The following AGK variants were observed in gnomAD, a reference collection of about 807,000 sequenced individuals.
The protein encoded by AGK is acylglycerol kinase, also known as acylglycerol kinase, mitochondrial.
A neutral mutation model predicts 66.4 loss-of-function variants in AGK; 52 were observed. The ratio of observed to expected loss-of-function variants is 0.78; its 90% CI spans 0.63 to 0.99. The LOEUF (loss-of-function observed/expected upper bound fraction) is 0.99. Ranked by LOEUF, AGK falls within the 50% of genes least tolerant of loss-of-function variation. The pLI, the probability that AGK is intolerant of heterozygous loss-of-function variation, is 0.00. For missense variants in AGK, 451 were observed against 506.6 expected (o/e 0.89, Z 1.05); for synonymous variants, 182 against 181.1 (o/e 1.00, Z -0.04).
chr7:141,647,962 C>G (rs572022979), intron 13 of AGK, among the ~76,000 whole-genome samples: 2 of 152,184 alleles, frequency 1.3e-5, no homozygotes, highest in South Asian at 4.1e-4. Flanking sequence ...TGAGCCACCG[C>G]GCCTGGCCAA....
intron 2 of AGK, among the ~76,000 whole-genome samples, chr7:141,584,434 A>G (rs988447877): frequency 6.6e-6 from 1 of 152,194 alleles, no homozygotes; most frequent in African/African-American, 2.4e-5. Flanking sequence ...TGGGCTCAGA[A>G]GCCTGACACT....
At chr7:141,631,576 A>G (rs1191927420) in intron 9 of AGK, among the ~76,000 whole-genome samples, 1 of 152,224 alleles carries the variant, frequency 6.6e-6, no homozygotes, top group Non-Finnish European at 1.5e-5. Flanking sequence ...AAATATATCC[A>G]AAATCAAGCA....
intron 2 of AGK, among the ~76,000 whole-genome samples, chr7:141,561,137 A>G (rs1795341357): frequency 6.6e-6 from 1 of 152,162 alleles, no homozygotes. Flanking sequence ...TCCATGGTGT[A>G]TATATACCAC....
intron 6 of AGK, among the ~76,000 whole-genome samples, chr7:141,612,004 G>A (rs1220865768): frequency 1.3e-5 from 2 of 152,190 alleles, no homozygotes; most frequent in Non-Finnish European, 2.9e-5. Flanking sequence ...CAAAGGAGTT[G>A]AAACCCTGTG....
intron 5 of AGK, among the ~76,000 whole-genome samples, chr7:141,605,779 CAA>C (rs1022456906): frequency 5.9e-5 from 9 of 152,176 alleles, no homozygotes; most frequent in African/African-American, 2.2e-4. Context: ...TTAGTAGTGA[CAA>C]AACTCATTTA....
At chr7:141,650,066 C>T (rs1368053915) in intron 14 of AGK, among the ~76,000 whole-genome samples, 3 of 152,234 alleles carry the variant, frequency 2.0e-5, no homozygotes, top group Non-Finnish European at 1.5e-5. Context: ...CTCAGCTCCG[C>T]TTTTCTGTGC....
In AGK at chr7:141,643,993, A is replaced by AT. The variant is rs538991772; in HGVS notation, c.975+2088dup. ...TGCCCTATTAACTGTATTTCTAGGA[A>AT]TTTATCCTACTGGAATAACCTGATG... On this transcript the variant is annotated intron_variant, in intron 13 of 15. Transcript: ENST00000649286. Among the ~76,000 whole-genome samples, 337 of 152,240 alleles carry AT rather than the reference A, an allele frequency of 2.2e-3. 1 individual carries two copies. Among genetic ancestry groups the AT allele is most frequent in the Non-Finnish European group, 3.5e-3 (241 of 67,984 alleles).
At chr7:141,647,782 C>T (rs1032172784) in intron 13 of AGK, among the ~76,000 whole-genome samples, 34 of 152,200 alleles carry the variant, frequency 2.2e-4, no homozygotes, top group Admixed American at 1.1e-3. Flanking sequence ...GCGATTCTCC[C>T]GCCTCAGCCT....
At chr7:141,588,666 G>C (rs1796043983) in intron 2 of AGK, among the ~76,000 whole-genome samples, 1 of 151,990 alleles carries the variant, frequency 6.6e-6, no homozygotes, top group African/African-American at 2.4e-5. Flanking sequence ...TACTCCATAG[G>C]CAGAGCAGCA....
At chr7:141,624,935 C>G (rs1344826336) in intron 9 of AGK, among the ~76,000 whole-genome samples, 1 of 152,182 alleles carries the variant, frequency 6.6e-6, no homozygotes, top group Non-Finnish European at 1.5e-5. Context: ...TTGCAAACTT[C>G]ATTGCTGTCT....
chr7:141,647,250 T>C (rs917606828), intron 13 of AGK, among the ~76,000 whole-genome samples: 5 of 152,194 alleles, frequency 3.3e-5, no homozygotes, highest in Admixed American at 1.3e-4. Flanking sequence ...AGTGATCCTA[T>C]TGAAATGAAG....
intron 14 of AGK, chr7:141,650,719 G>A (rs528940580): frequency 2.1e-6 from 2 of 973,390 alleles, no homozygotes; most frequent in African/African-American, 3.5e-5. Flanking sequence ...GGTAGATATT[G>A]TATGCCAAGT....
At chr7:141,633,258 T>C (rs1253563035) in intron 9 of AGK, among the ~76,000 whole-genome samples, 1 of 152,186 alleles carries the variant, frequency 6.6e-6, no homozygotes, top group Non-Finnish European at 1.5e-5. Context: ...TTTATAATTT[T>C]TAAGGAAGGT....
chr7:141,551,737 C>T (rs1281015744), intron 1 of AGK, among the ~76,000 whole-genome samples: 1 of 152,152 alleles, frequency 6.6e-6, no homozygotes, highest in Non-Finnish European at 1.5e-5. Context: ...TTGTGGACCC[C>T]CCTCACTTCG....
chr7:141,562,863 G>T (rs1004687264), intron 2 of AGK, among the ~76,000 whole-genome samples: 2 of 152,198 alleles, frequency 1.3e-5, no homozygotes, highest in African/African-American at 4.8e-5. Context: ...ATATAGTCAG[G>T]GATGGCATCT....
chr7:141,589,410 T>C (rs1587097838), intron 2 of AGK, among the ~76,000 whole-genome samples: 1 of 152,346 alleles, frequency 6.6e-6, no homozygotes, highest in South Asian at 2.1e-4. Context: ...TTTGCTGAGA[T>C]AGTTTTCAGA....
At chr7:141,601,656 G>A (rs1029552828) in intron 5 of AGK, among the ~76,000 whole-genome samples, 1 of 152,098 alleles carries the variant, frequency 6.6e-6, no homozygotes, top group Non-Finnish European at 1.5e-5. Flanking sequence ...TTTTCTCTCT[G>A]GTAAGGAATT....
At chr7:141,634,388 T>C (rs1415519366) in intron 10 of AGK, among the ~76,000 whole-genome samples, 1 of 152,184 alleles carries the variant, frequency 6.6e-6, no homozygotes. Flanking sequence ...CAACTTTTCC[T>C]GAGAGGTATT....
chr7:141,644,381 C>G (rs910762266), intron 13 of AGK, among the ~76,000 whole-genome samples: 1 of 152,120 alleles, frequency 6.6e-6, no homozygotes, highest in Non-Finnish European at 1.5e-5. Flanking sequence ...CTAGTAGCAG[C>G]AAATTCATTT....
Sources: allele counts gnomAD v4.1 joint callset (sites outside exome capture counted in the v4.1 genomes callset), GRCh38; gene constraint gnomAD v4.1.1; transcripts MANE v1.5; gene names NCBI Gene and HGNC (gene_info 2026-07-23, HGNC 2026-07-21).